Variants in RNF123 observed in about 807,000 individuals in gnomAD.
RNF123 encodes the protein E3 ubiquitin-protein ligase RNF123.
Under a neutral mutation model 168.5 loss-of-function variants are expected in RNF123, and 86 were observed. The ratio of observed to expected loss-of-function variants is 0.51; its 90% CI spans 0.43 to 0.61. The LOEUF (loss-of-function observed/expected upper bound fraction) is 0.61, where lower values mean the gene tolerates loss of function less well. RNF123 is among the 20% of genes least tolerant of loss of function. The pLI, the probability that RNF123 is intolerant of heterozygous loss-of-function variation, is 0.00. For missense variants in RNF123, 1,419 were observed against 1,729.7 expected (o/e 0.82, Z 3.19); for synonymous variants, 666 against 689.1 (o/e 0.97, Z 0.52).
At chr3:49,702,882 G>GT in intron 20 of RNF123, 129 bp downstream of exon 20, 1 of 1,414,890 alleles carries the variant, frequency 7.1e-7, no homozygotes, top group East Asian at 2.3e-5. Context: ...ATCCTGCCTG[G>GT]TTGAGTCCTA....
At chr3:49,700,116 A>G (rs897541782) in intron 12 of RNF123, 111 bp from the exon 13 acceptor site, 1 of 1,486,374 alleles carries the variant, frequency 6.7e-7, no homozygotes, top group Middle Eastern at 2.3e-4. Context: ...GTGTTGCTCG[A>G]GTGGCTCAAG....
rs773515507 is a variant in RNF123, at chr3:49,697,386, C to G, written c.271C>G (p.Pro91Ala). The change falls in exon 5 of 39, where the codon CCA (proline) becomes GCA (alanine). Residue 91 changes from proline (P) to alanine (A), a missense_variant. Pro to Ala is a conservative substitution (Grantham distance 27). Around this residue, in one of 5 missense-constraint regions of RNF123, gnomAD observed 318 missense variants for 446.6 expected, o/e 0.71. Coordinates refer to ENST00000327697, the MANE Select transcript of RNF123 (RefSeq NM_022064.5). ...SQGQVEGRLG[P>A]STVVLDHTGG... ...AGGACAGGTTGAAGGGCGGCTTGGC[C>G]CATCCACTGTGGTCCTGGACCACAC... 8 of 1,609,424 alleles carry G rather than the reference C, an allele frequency of 5.0e-6. No homozygotes were observed. In the Admixed American group the frequency reaches 1.2e-4, roughly 24 times the overall value.
At position 49,701,622 on chromosome 3, in the gene RNF123, A is replaced by C; in HGVS notation, c.1395+14A>C. The stretch of plus-strand genomic sequence containing the variant: ...TCCAGTAGGGAGGTGAGTGCACCCC[A>C]AGTGGGATGGGCAGAGGTCATGGCA... On this transcript the variant is annotated intron_variant, in intron 16 of 38. Coordinates refer to ENST00000327697, the MANE Select transcript of RNF123 (RefSeq NM_022064.5). 6.2e-7 allele frequency: 1 copy of C among 1,602,888 alleles called. No individual in the cohort carries two copies.
At chr3:49,718,865 G>T (rs757683825) in intron 35 of RNF123, 1 of 1,613,486 alleles carries the variant, frequency 6.2e-7, no homozygotes, top group Admixed American at 1.7e-5. Flanking sequence ...GCCAGCTCAG[G>T]TACGGAGATG....
rs568423877 is a variant in RNF123 at position 49,702,905 on chromosome 3, C to T, written c.1750+152C>T. ...TGGTTGAGTCCTACCCAGCCACAGG[C>T]GGCTTCTCCACTGGGGCAGCAGGAG... On this transcript the variant is annotated intron_variant, in intron 20 of 38. Transcript: ENST00000327697. The T allele has an allele frequency of 1.9e-5, 23 of 1,202,280 alleles. No individual in the cohort carries two copies. In the African/African-American group the frequency reaches 2.2e-4, roughly 12 times the overall value. The allele number at this position is 1,202,280 out of a possible 1,614,324, so 74.5% of individuals were successfully genotyped here. A position where few individuals can be genotyped will look rare whatever the true frequency, so the allele number is the denominator to read the frequency against.
chr3:49,702,057 G>A (rs2054412070), intron 17 of RNF123, 26 bp from the exon 18 acceptor site: 2 of 1,611,640 alleles, frequency 1.2e-6, no homozygotes, highest in Admixed American at 1.7e-5. Flanking sequence ...GGAGCCTGAG[G>A]GCCATGTTCC....
intron 25 of RNF123, 25 bp downstream of exon 25, chr3:49,706,090 G>A (rs2054513052): frequency 1.9e-6 from 3 of 1,603,794 alleles, no homozygotes; most frequent in Non-Finnish European, 2.6e-6. Context: ...GTCTTGGTGA[G>A]GGGCAGCTTG....
In RNF123 at chr3:49,706,028, G is replaced by A. The variant is rs1171471879; in HGVS notation, c.2351G>A (p.Arg784Lys). Residue 784 changes from arginine (R) to lysine (K), a missense_variant, in exon 25 of 39, where the codon AGG becomes AAG. Physicochemically the swap from Arg to Lys is conservative, Grantham distance 26. Transcript: ENST00000327697. ...GTCAATGAATACGCTATGGCTCTGAGGGACACAGAGGACAAGCTCCGCCGG... is the reference window on the plus strand; with the variant it reads ...GTCAATGAATACGCTATGGCTCTGAAGGACACAGAGGACAAGCTCCGCCGG... ...DDVNEYAMALRDTEDKLRRCP... is the reference protein window; with the variant it reads ...DDVNEYAMALKDTEDKLRRCP... 1.9e-6 allele frequency: 3 copies of A among 1,614,062 alleles called. No homozygotes were observed. The highest frequency in any genetic ancestry group is 2.5e-6 in the Non-Finnish European group (3 of 1,180,040).
rs1237807033 is a variant in RNF123 at position 49,718,133 on chromosome 3, T to A, written c.3500+1656T>A. 7 of 1,613,342 alleles carry A rather than the reference T, an allele frequency of 4.3e-6. No homozygotes were observed. In the East Asian group the frequency reaches 1.6e-4, roughly 36 times the overall value. On this transcript the variant is annotated intron_variant, in intron 35 of 38. Coordinates refer to ENST00000327697, the MANE Select transcript of RNF123 (RefSeq NM_022064.5). ...TGCTTGTGGACGCTGGCCTTGCGGC[T>A]GGGTGCGTCTGGCGGTGTGGTGCTG...
At position 49,712,371 on chromosome 3, in the gene RNF123, G is replaced by C; in HGVS notation, c.2497-108G>C. ...CATGCTTCCTGAAATCCAGGTCTCAGTTGTGCTGTCGTAGGCCTGGGGAGG... is the reference window on the plus strand; with the variant it reads ...CATGCTTCCTGAAATCCAGGTCTCACTTGTGCTGTCGTAGGCCTGGGGAGG... On this transcript the variant is annotated intron_variant, in intron 26 of 38. Transcript: ENST00000327697. 2.9e-6 allele frequency: 3 copies of C among 1,021,192 alleles called. No homozygotes were observed. The South Asian group carries it at 4.6e-5, about 16-fold the overall frequency. The allele number at this position is 1,021,192 out of a possible 1,614,324, so 63.3% of individuals were successfully genotyped here.
At chr3:49,704,588 C>A in intron 21 of RNF123, 62 bp from the exon 22 acceptor site, 3 of 1,403,590 alleles carry the variant, frequency 2.1e-6, no homozygotes, top group Non-Finnish European at 2.0e-6. Context: ...CCGTCCTGGG[C>A]ACTTCCACTG....
At chr3:49,717,557 C>T (rs879230360) in intron 35 of RNF123, 74 of 247,508 alleles carry the variant, frequency 3.0e-4, no homozygotes, top group Middle Eastern at 1.5e-3. Flanking sequence ...TGAGGGTGGA[C>T]GGGAGGCTCT....
intron 3 of RNF123, among the ~76,000 whole-genome samples, chr3:49,695,342 C>G (rs561985073): frequency 6.6e-6 from 1 of 152,270 alleles, no homozygotes; most frequent in South Asian, 2.1e-4. Flanking sequence ...TCAAGTGATT[C>G]TCCCACCTCA....
chr3:49,703,629 G>A, intron 21 of RNF123, 101 bp downstream of exon 21: 2 of 913,942 alleles, frequency 2.2e-6, no homozygotes, highest in South Asian at 3.3e-5. Context: ...ATGGCCACCA[G>A]AGGGTGCCCA....
intron 35 of RNF123, chr3:49,719,605 G>C (rs1179379465): frequency 2.8e-6 from 2 of 707,124 alleles, no homozygotes; most frequent in Non-Finnish European, 4.7e-6. Flanking sequence ...GCCAGCCGAC[G>C]GCCCCTACTC....
intron 35 of RNF123, chr3:49,718,682 G>GCA (rs1360841931): frequency 6.2e-7 from 1 of 1,613,012 alleles, no homozygotes; most frequent in South Asian, 1.1e-5. Context: ...TGGAAGAAGC[G>GCA]CACGCGGGAC....
At chr3:49,698,897 TAAGGGGCC>T in intron 9 of RNF123, 75 bp downstream of exon 9, 2 of 1,606,140 alleles carry the variant, frequency 1.2e-6, no homozygotes, top group African/African-American at 2.7e-5. Flanking sequence ...CTGGGCCCTG[TAAGGGGCC>T]AGACTGAGTT....
At chr3:49,704,571 T>C (rs2054473516) in intron 21 of RNF123, 79 bp from the exon 22 acceptor site, 2 of 1,226,562 alleles carry the variant, frequency 1.6e-6, no homozygotes, top group Admixed American at 2.3e-5. Context: ...TGTGCTGGGC[T>C]CTCTCACCGT....
At position 49,699,753 on chromosome 3, in the gene RNF123, A is replaced by G. The variant is rs199932717; in HGVS notation, c.965A>G (p.His322Arg). 457 of 1,613,374 alleles carry G rather than the reference A, an allele frequency of 2.8e-4. No individual in the cohort carries two copies. The highest frequency in any genetic ancestry group is 3.7e-4 in the Non-Finnish European group (439 of 1,179,958). ...TVLLTLAHIF[H>R]HFAPLLRKVY... ...CTCCTCACACTGGCCCACATCTTCC[A>G]TCACTTTGCACCGCTTCTGGTGAGC... Residue 322 changes from histidine (H) to arginine (R), a missense_variant, in exon 12 of 39, where the codon CAT (histidine) becomes CGT (arginine). Coordinates refer to ENST00000327697, the MANE Select transcript of RNF123 (RefSeq NM_022064.5). This position sits in a 1 kb window ranked among gnomAD's most constrained non-coding sequence, Gnocchi z 4.8.
Sources: gnomAD v4.1 joint callset for allele counts (sites outside exome capture counted in the v4.1 genomes callset) on GRCh38, gnomAD v4.1.1 for gene constraint, gnomAD v4.1.1 regional missense constraint, Gnocchi (gnomAD v3.1) non-coding constraint, MANE v1.5 for transcripts, NCBI Gene and HGNC (gene_info 2026-07-23, HGNC 2026-07-21) for gene names.